Variants in STK4 observed in about 807,000 individuals in gnomAD.
The protein encoded by STK4 is serine/threonine kinase 4.
STK4 carries 30 observed loss-of-function variants against 64.9 expected under a neutral mutation model. The ratio of observed to expected loss-of-function variants is 0.46; its 90% CI spans 0.35 to 0.63. STK4 has a LOEUF of 0.63. Ranked by LOEUF, STK4 falls within the 20% of genes least tolerant of loss-of-function variation. The pLI is 0.01. For synonymous variants in STK4, 177 were observed against 199.0 expected (o/e 0.89, Z 0.93); for missense variants, 466 against 598.5 (o/e 0.78, Z 2.31).
At chr20:45,047,001 G>A (rs1282844040) in intron 10 of STK4, among the ~76,000 whole-genome samples, 1 of 152,104 alleles carries the variant, frequency 6.6e-6, no homozygotes, top group Non-Finnish European at 1.5e-5. Context: ...TCTTACTCCA[G>A]TGTTAGATAA....
intron 5 of STK4, among the ~76,000 whole-genome samples, chr20:44,989,476 A>T (rs1460043157): frequency 2.6e-5 from 4 of 152,148 alleles, no homozygotes; most frequent in East Asian, 1.9e-4. Context: ...TTGTTGAATT[A>T]AGAGTTCTTT....
intron 10 of STK4, among the ~76,000 whole-genome samples, chr20:45,035,643 G>A (rs2068516477): frequency 6.6e-6 from 1 of 152,124 alleles, no homozygotes; most frequent in Admixed American, 6.5e-5. Flanking sequence ...ATAAGACTGC[G>A]AGATCTTTTA....
At chr20:44,981,737 A>C (rs559884060) in intron 3 of STK4, 92 bp from the exon 4 acceptor site, 1 of 732,050 alleles carries the variant, frequency 1.4e-6, no homozygotes, top group African/African-American at 1.8e-5. Context: ...TGATCTTTCC[A>C]GATGAGGAAT....
chr20:45,062,682 G>A (rs1420720487), intron 10 of STK4, among the ~76,000 whole-genome samples: 5 of 151,692 alleles, frequency 3.3e-5, no homozygotes, highest in African/African-American at 9.7e-5. Context: ...GTTTTGAGAC[G>A]GAGTCTCGCT....
Position 44,987,207 on chromosome 20 carries a change from AT to A in STK4, c.437del (p.Ile146AsnfsTer12). 6.2e-7 allele frequency: 1 copy of A among 1,612,956 alleles called. No homozygotes were observed. The highest frequency in any genetic ancestry group is 2.2e-5 in the East Asian group (1 of 44,768). On this transcript the variant is annotated frameshift_variant, in exon 5 of 11. Transcript: ENST00000372806. LOFTEE classifies it high-confidence loss of function. ...GLEYLHFMRK[I>X]HRDIKAGNIL... is the part of the protein sequence containing the mutation. The stretch of plus-strand genomic sequence containing the variant: ...TGAATACCTTCATTTTATGAGAAAA[AT>A]ACACCGAGATATCAAGGCAGGAAAT...
chr20:45,014,876 C>T (rs1481322450), intron 9 of STK4, among the ~76,000 whole-genome samples: 1 of 152,156 alleles, frequency 6.6e-6, no homozygotes, highest in Non-Finnish European at 1.5e-5. Context: ...GAATGTTTCC[C>T]CTGACCAAGC....
chr20:45,051,341 T>C, intron 10 of STK4, among the ~76,000 whole-genome samples: 1 of 152,184 alleles, frequency 6.6e-6, no homozygotes, highest in East Asian at 1.9e-4. Flanking sequence ...GTACAATGCT[T>C]TTTATTTTTC....
Position 45,064,722 on chromosome 20 carries a change from G to A in STK4, c.1306-10296G>A, listed in dbSNP as rs1979417866. Among the ~76,000 whole-genome samples the A allele has an allele frequency of 2.6e-5, 4 of 152,192 alleles. No homozygotes were observed. In the South Asian group the frequency reaches 8.3e-4, roughly 32 times the overall value. On this transcript the variant is annotated intron_variant, in intron 10 of 10. Coordinates refer to ENST00000372806, the MANE Select transcript of STK4 (RefSeq NM_006282.5). ...ATTTTTTTGTGGCTATTGTGAATGGGACTGAGTTATTGATTTGGTTCTCAG... is the reference window on the plus strand; with the variant it reads ...ATTTTTTTGTGGCTATTGTGAATGGAACTGAGTTATTGATTTGGTTCTCAG...
intron 10 of STK4, among the ~76,000 whole-genome samples, chr20:45,030,923 G>A (rs1393959117): frequency 6.6e-6 from 1 of 152,158 alleles, no homozygotes; most frequent in Non-Finnish European, 1.5e-5. Context: ...CAGGCTGGGT[G>A]CAGTGGCTCA....
At chr20:44,991,822 C>T (rs964284509) in intron 5 of STK4, among the ~76,000 whole-genome samples, 2 of 151,996 alleles carry the variant, frequency 1.3e-5, no homozygotes, top group African/African-American at 2.4e-5. Flanking sequence ...ACCACCACCC[C>T]CAGCTAATTT....
intron 10 of STK4, among the ~76,000 whole-genome samples, chr20:45,041,118 A>G (rs767496968): frequency 6.6e-6 from 1 of 152,124 alleles, no homozygotes; most frequent in East Asian, 1.9e-4. Context: ...ATTGGCCAAT[A>G]GGTTTTTTTG....
At chr20:45,033,399 G>A (rs1207798788) in intron 10 of STK4, among the ~76,000 whole-genome samples, 2 of 152,062 alleles carry the variant, frequency 1.3e-5, no homozygotes, top group Non-Finnish European at 2.9e-5. Context: ...GGTTTTTATA[G>A]TTTTAGGTTT....
rs1456739306 is a variant in STK4 at position 44,972,074 on chromosome 20, A to G, written c.36-4A>G. The G allele has an allele frequency of 6.8e-6, 11 of 1,613,060 alleles. No homozygotes were observed. The highest frequency in any genetic ancestry group is 2.7e-5 in the African/African-American group (2 of 74,882). On this transcript the variant is annotated splice_polypyrimidine_tract_variant and splice_region_variant and intron_variant, in intron 1 of 10. Transcript: ENST00000372806. ...ATTTTGTGTTTATATTTCTTTATTC[A>G]CAGGCAGCTGAAAAAGTTGGATGAA...
chr20:45,006,131 C>T (rs1399810781), intron 9 of STK4, among the ~76,000 whole-genome samples: 1 of 150,580 alleles, frequency 6.6e-6, no homozygotes, highest in Non-Finnish European at 1.5e-5. Flanking sequence ...ACTTTTCAAT[C>T]TAAGGACCCA....
chr20:44,998,607 A>G (rs974051616), intron 7 of STK4, among the ~76,000 whole-genome samples: 6 of 152,190 alleles, frequency 3.9e-5, no homozygotes, highest in African/African-American at 1.4e-4. Context: ...CCATAATTTA[A>G]AAAGAATCAA....
At chr20:45,009,013 C>T (rs951391740) in intron 9 of STK4, among the ~76,000 whole-genome samples, 1 of 151,872 alleles carries the variant, frequency 6.6e-6, no homozygotes, top group Non-Finnish European at 1.5e-5. Context: ...GTTTCTTTTG[C>T]TGTTGTGCAG....
chr20:45,033,341 T>C (rs985368772), intron 10 of STK4, among the ~76,000 whole-genome samples: 2 of 152,210 alleles, frequency 1.3e-5, no homozygotes, highest in Non-Finnish European at 2.9e-5. Flanking sequence ...TCATGAAATC[T>C]TCGCCAGGTC....
At chr20:45,043,848 C>T (rs1043405314) in intron 10 of STK4, among the ~76,000 whole-genome samples, 12 of 152,088 alleles carry the variant, frequency 7.9e-5, no homozygotes, top group African/African-American at 2.9e-4. Flanking sequence ...GCTTCTCCTC[C>T]CTCCTTCCAC....
chr20:45,020,207 A>G (rs577230855), intron 9 of STK4, among the ~76,000 whole-genome samples: 16 of 152,216 alleles, frequency 1.1e-4, no homozygotes, highest in Middle Eastern at 3.2e-3. Flanking sequence ...ATTAAGTGAT[A>G]TAGTACATTT....
Sources: gnomAD v4.1 joint callset for allele counts (sites outside exome capture counted in the v4.1 genomes callset) on GRCh38, gnomAD v4.1.1 for gene constraint, MANE v1.5 for transcripts, NCBI Gene and HGNC (gene_info 2026-07-23, HGNC 2026-07-21) for gene names.